The following GPC1 variants were observed in gnomAD, a reference collection of about 807,000 sequenced individuals.
The protein encoded by GPC1 is glypican-1.
GPC1 carries 26 observed loss-of-function variants against 51.5 expected under a neutral mutation model. The observed-to-expected ratio is 0.50, with a 90% CI of 0.37 to 0.70. The LOEUF (loss-of-function observed/expected upper bound fraction) is 0.70. GPC1 is among the 30% of genes least tolerant of loss of function. GPC1 has a pLI of 0.00. For missense variants in GPC1, 775 were observed against 800.5 expected (o/e 0.97, Z 0.38); for synonymous variants, 380 against 348.3 (o/e 1.09, Z -1.01).
intron 1 of GPC1, among the ~76,000 whole-genome samples, chr2:240,456,956 C>G (rs1034724348): frequency 2.0e-5 from 3 of 152,182 alleles, no homozygotes; most frequent in Non-Finnish European, 2.9e-5. Flanking sequence ...CTGTCCTCAC[C>G]CCAGCTGGCT....
chr2:240,453,465 C>T (rs1194628999), intron 1 of GPC1, among the ~76,000 whole-genome samples: 9 of 138,704 alleles, frequency 6.5e-5, no homozygotes, highest in African/African-American at 1.9e-4. Context: ...CCCGCATCGC[C>T]TGCCGCCGCC....
At chr2:240,461,914 C>G (rs967094753) in intron 2 of GPC1, among the ~76,000 whole-genome samples, 1 of 152,088 alleles carries the variant, frequency 6.6e-6, no homozygotes, top group African/African-American at 2.4e-5. Flanking sequence ...CTGCCCAGGG[C>G]TCAGCTCAGA....
chr2:240,438,959 G>A (rs940205812), intron 1 of GPC1, among the ~76,000 whole-genome samples: 2 of 152,114 alleles, frequency 1.3e-5, no homozygotes, highest in East Asian at 1.9e-4. Flanking sequence ...GTGGCACCCC[G>A]GGTGCCCCTG....
chr2:240,456,056 AGG>A, intron 1 of GPC1: 1 of 405,594 alleles, frequency 2.5e-6, no homozygotes, highest in Admixed American at 3.0e-5. Flanking sequence ...CCGAGGAGGG[AGG>A]GAGGGACGGG....
At chr2:240,452,797 C>G (rs1229484774) in intron 1 of GPC1, 1 of 148,910 alleles carries the variant, frequency 6.7e-6, no homozygotes, top group East Asian at 1.9e-4. Flanking sequence ...CGGGAGCCAC[C>G]GCCCTCGGCC....
intron 4 of GPC1, chr2:240,463,991 C>T (rs1212149230): frequency 3.3e-5 from 7 of 212,840 alleles, no homozygotes; most frequent in Admixed American, 1.0e-4. Flanking sequence ...AATGCCAACA[C>T]GTGTGTGGTA....
chr2:240,464,392 CT>C, intron 4 of GPC1: 1 of 560,878 alleles, frequency 1.8e-6, no homozygotes, highest in Non-Finnish European at 3.2e-6. Context: ...GCGTGTTCAC[CT>C]GTGCCCGTGG....
chr2:240,456,755 A>T, intron 1 of GPC1: 1 of 393,286 alleles, frequency 2.5e-6, no homozygotes, highest in South Asian at 1.8e-5. Context: ...TCCTGCTCTA[A>T]ATCCTGCCCC....
intron 2 of GPC1, among the ~76,000 whole-genome samples, chr2:240,460,892 G>A (rs1445705238): frequency 1.3e-5 from 2 of 152,120 alleles, no homozygotes; most frequent in African/African-American, 4.8e-5. Flanking sequence ...CTGGGTCTTT[G>A]TCTGCAGTGC....
Position 240,466,296 on chromosome 2 carries a change from C to G in GPC1, c.*6C>G. ...CCAGGCCCCGGTGGCGGTAACTGCC[C>G]CAAGGCCCCAGGGACAGAGGCCAAG... On this transcript the variant is annotated 3_prime_UTR_variant, in exon 9 of 9. Transcript: ENST00000264039. 2 of 1,474,378 alleles carry G rather than the reference C, an allele frequency of 1.4e-6. No homozygotes were observed. Among genetic ancestry groups the G allele is most frequent in the Non-Finnish European group, 1.9e-6 (2 of 1,053,504 alleles). The allele number at this position is 1,474,378 out of a possible 1,614,324, so 91.3% of individuals were successfully genotyped here.
rs575566660 is a variant in GPC1 at position 240,455,896 on chromosome 2, C to T, written c.167-3134C>T. 115 of 310,438 alleles carry T rather than the reference C, an allele frequency of 3.7e-4. 1 individual carries two copies. Among genetic ancestry groups the T allele is most frequent in the African/African-American group, 2.4e-3 (102 of 42,584 alleles). The allele number at this position is 310,438 out of a possible 1,614,324, so 19.2% of individuals were successfully genotyped here. A position where few individuals can be genotyped will look rare whatever the true frequency, so the allele number is the denominator to read the frequency against. On this transcript the variant is annotated intron_variant, in intron 1 of 8. Transcript: ENST00000264039. ...CGGGAGGCCTCCTGCCTTTGACTGC[C>T]GTGCGTCCAGCCTGCAGCGGGCCTC...
intron 1 of GPC1, 68 bp from the exon 2 acceptor site, chr2:240,458,962 C>G (rs1215847623): frequency 6.8e-7 from 1 of 1,468,990 alleles, no homozygotes; most frequent in Non-Finnish European, 9.4e-7. Context: ...CCAGGAGAGC[C>G]TGAGGGTGCC....
rs1310936096 is a variant in GPC1, at chr2:240,466,257, G to C, written c.1644G>C (p.Leu548=). The C allele has an allele frequency of 6.2e-7, 1 of 1,609,018 alleles. No homozygotes were observed. Among genetic ancestry groups the C allele is most frequent in the Non-Finnish European group, 8.5e-7 (1 of 1,176,094 alleles). ...TCCTCCTGCCCCTCCTCCTCTTCCT[G>C]GCCCTTACAGTAGCCAGGCCCCGGT... ...PTFLLPLLLF[L]ALTVARPRWR Residue 548 remains leucine (L), a synonymous_variant, in exon 9 of 9, where the codon CTG becomes CTC. Transcript: ENST00000264039.
At chr2:240,447,560 C>G (rs540379535) in intron 1 of GPC1, among the ~76,000 whole-genome samples, 16 of 152,200 alleles carry the variant, frequency 1.1e-4, no homozygotes, top group Non-Finnish European at 2.4e-4. Flanking sequence ...CACCCTTGGC[C>G]GAGGGCTGGC....
intron 2 of GPC1, among the ~76,000 whole-genome samples, chr2:240,460,987 GC>G (rs1319333634): frequency 3.3e-5 from 5 of 152,076 alleles, no homozygotes; most frequent in Admixed American, 6.5e-5. Context: ...CCCTGTGTCC[GC>G]CCCCCCACCA....
intron 2 of GPC1, among the ~76,000 whole-genome samples, chr2:240,460,842 G>A (rs1226561851): frequency 6.6e-6 from 1 of 152,120 alleles, no homozygotes; most frequent in East Asian, 1.9e-4. Context: ...GCCCATGGCA[G>A]CTGCTGTCCC....
chr2:240,445,936 C>T lies in GPC1; in HGVS notation c.166+9852C>T, dbSNP rs114558936. Among the ~76,000 whole-genome samples, 711 of 152,296 alleles carry T rather than the reference C, an allele frequency of 4.7e-3. 5 individuals carry two copies. The highest frequency in any genetic ancestry group is 0.016 in the African/African-American group (663 of 41,556). ...GCACGTGCGTTGCCACCTCACAATT[C>T]GTTGTATCACATTCTGGTAACTGCT... On this transcript the variant is annotated intron_variant, in intron 1 of 8. Coordinates refer to ENST00000264039, the MANE Select transcript of GPC1 (RefSeq NM_002081.3).
At chr2:240,452,910 G>A in intron 1 of GPC1, 1 of 277,604 alleles carries the variant, frequency 3.6e-6, no homozygotes. Flanking sequence ...CTGGCTTTTC[G>A]CCTCCTGCGA....
chr2:240,463,974 C>T (rs1056926021), intron 4 of GPC1: 19 of 218,264 alleles, frequency 8.7e-5, no homozygotes, highest in South Asian at 1.7e-4. Flanking sequence ...CTGGGCTGAC[C>T]CGCATCAATG....
Sources: gnomAD v4.1 joint callset for allele counts (sites outside exome capture counted in the v4.1 genomes callset) on GRCh38, gnomAD v4.1.1 for gene constraint, MANE v1.5 for transcripts, NCBI Gene and HGNC (gene_info 2026-07-23, HGNC 2026-07-21) for gene names.